The following PDIA5 variants were observed in gnomAD, a reference collection of about 807,000 sequenced individuals.
PDIA5 encodes protein disulfide isomerase family A member 5.
In PDIA5, 58 loss-of-function variants were observed where a neutral mutation model predicts 77.6. The observed-to-expected ratio is 0.75, with a 90% CI of 0.61 to 0.93. The LOEUF is 0.93. Ranked by LOEUF, PDIA5 falls within the 40% of genes least tolerant of loss-of-function variation. The pLI, the probability that PDIA5 is intolerant of heterozygous loss-of-function variation, is 0.00. For synonymous variants in PDIA5, 250 were observed against 252.1 expected, an observed-to-expected ratio of 0.99 and a Z score of 0.08; for missense variants, 630 against 647.7, an observed-to-expected ratio of 0.97 and a Z score of 0.30.
At chr3:123,153,269 G>T (rs535334280) in intron 14 of PDIA5, among the ~76,000 whole-genome samples, 10 of 152,200 alleles carry the variant, frequency 6.6e-5, no homozygotes, top group Non-Finnish European at 1.5e-4. Flanking sequence ...TTTGAGGAAG[G>T]GGGGTGGTTA....
At chr3:123,130,434 A>G (rs1935345046) in intron 10 of PDIA5, 46 bp from the exon 11 acceptor site, 2 of 1,568,590 alleles carry the variant, frequency 1.3e-6, no homozygotes, top group Non-Finnish European at 1.7e-6. Context: ...AGGGCTGCCA[A>G]GGCCCCAGGG....
chr3:123,117,299 C>A (rs1935017420), intron 8 of PDIA5, among the ~76,000 whole-genome samples: 1 of 149,276 alleles, frequency 6.7e-6, no homozygotes, highest in African/African-American at 2.5e-5. Flanking sequence ...TCTGTACCCA[C>A]TAAATATGAA....
At chr3:123,159,003 T>C (rs1936086975) in intron 15 of PDIA5, among the ~76,000 whole-genome samples, 1 of 152,234 alleles carries the variant, frequency 6.6e-6, no homozygotes, top group Admixed American at 6.5e-5. Context: ...TTGCATTCCA[T>C]GTGTGCGGCT....
chr3:123,117,329 T>C (rs864477), intron 8 of PDIA5, among the ~76,000 whole-genome samples: 121,648 of 139,150 alleles, frequency 0.87, 53,760 homozygotes, highest in Non-Finnish European at 0.93. Flanking sequence ...CCCACCCCAC[T>C]CCTGACCTTG....
chr3:123,100,583 G>A (rs899043156), intron 3 of PDIA5, among the ~76,000 whole-genome samples: 2 of 152,192 alleles, frequency 1.3e-5, no homozygotes, highest in African/African-American at 2.4e-5. Context: ...TGGCTGCAGC[G>A]ATGGCTAGAC....
At position 123,124,111 on chromosome 3, in the gene PDIA5, A is replaced by C; in HGVS notation, c.655A>C (p.Lys219Gln). The C allele has an allele frequency of 6.2e-7, 1 of 1,614,016 alleles. No individual in the cohort carries two copies. The highest frequency in any genetic ancestry group is 2.2e-5 in the East Asian group (1 of 44,878). The change falls in exon 9 of 17, where the codon AAG (lysine) becomes CAG (glutamine). Residue 219 changes from lysine to glutamine, a missense_variant. Physicochemically the swap from Lys to Gln is moderately conservative, Grantham distance 53. Coordinates refer to ENST00000316218, the MANE Select transcript of PDIA5 (RefSeq NM_006810.4). ...CTACTCCTCTGAATTTGAAAACATC[A>C]AGGAGGAGTACAGCGTGCGCGGCTT... ...NVYSSEFENI[K>Q]EEYSVRGFPT...
At chr3:123,161,849 TTC>T (rs150845561) in intron 16 of PDIA5, 29 bp from the exon 17 acceptor site, 3,938 of 1,298,898 alleles carry the variant, frequency 3.0e-3, no homozygotes, top group Non-Finnish European at 3.6e-3. Flanking sequence ...TTAAAGCTCT[TTC>T]TCTCTCTCTC....
chr3:123,138,886 G>C (rs1323879944), intron 11 of PDIA5, among the ~76,000 whole-genome samples: 2 of 152,170 alleles, frequency 1.3e-5, no homozygotes. Flanking sequence ...CTGGCTACCA[G>C]GGAGCTTTAC....
At chr3:123,154,911 C>A in intron 14 of PDIA5, 60 bp from the exon 15 acceptor site, 1 of 1,120,926 alleles carries the variant, frequency 8.9e-7, no homozygotes, top group Non-Finnish European at 1.4e-6. Flanking sequence ...GGGTCCCTGG[C>A]CCTGCAGCCT....
At chr3:123,101,906 C>CTTTTTTTTTTTTTTTTTTTTTTTTTT (rs71623603) in intron 3 of PDIA5, among the ~76,000 whole-genome samples, 4 of 71,378 alleles carry the variant, frequency 5.6e-5, no homozygotes, top group African/African-American at 5.4e-5. Context: ...TTCTTTCTTG[C>CTTTTTTTTTTTTTTTTTTTTTTTTTT]TTTTTTTTTT....
intron 1 of PDIA5, among the ~76,000 whole-genome samples, chr3:123,073,856 C>G (rs1321501491): frequency 6.6e-6 from 1 of 152,192 alleles, no homozygotes; most frequent in Non-Finnish European, 1.5e-5. Context: ...GTGAGCAGGT[C>G]CTTTAATCCT....
At chr3:123,101,363 T>C (rs975986819) in intron 3 of PDIA5, among the ~76,000 whole-genome samples, 1 of 152,174 alleles carries the variant, frequency 6.6e-6, no homozygotes, top group Admixed American at 6.5e-5. Context: ...GGACCACACA[T>C]TGAAATCCAT....
intron 16 of PDIA5, 117 bp downstream of exon 16, chr3:123,161,572 C>G: frequency 8.7e-7 from 1 of 1,150,990 alleles, no homozygotes; most frequent in South Asian, 1.5e-5. Context: ...TCAGCTGGAA[C>G]ACTGCACCGA....
At chr3:123,067,323 A>G in intron 1 of PDIA5, 117 bp downstream of exon 1, 2 of 894,906 alleles carry the variant, frequency 2.2e-6, no homozygotes, top group Middle Eastern at 3.8e-4. Flanking sequence ...GGGCACCGGG[A>G]TGAGGGCGTG....
chr3:123,132,533 T>C (rs1025443959), intron 11 of PDIA5, among the ~76,000 whole-genome samples: 3 of 152,218 alleles, frequency 2.0e-5, no homozygotes, highest in Non-Finnish European at 2.9e-5. Flanking sequence ...GGGCCTCTCC[T>C]GATGAAGCGC....
intron 8 of PDIA5, among the ~76,000 whole-genome samples, chr3:123,121,249 G>A (rs1560531908): frequency 6.6e-6 from 1 of 152,168 alleles, no homozygotes; most frequent in Admixed American, 6.5e-5. Flanking sequence ...TCTCCTCTGA[G>A]TGCAAGCTCA....
At chr3:123,123,453 G>A (rs756076554) in intron 8 of PDIA5, among the ~76,000 whole-genome samples, 3 of 152,172 alleles carry the variant, frequency 2.0e-5, no homozygotes, top group East Asian at 1.9e-4. Context: ...GACACAGCAC[G>A]GCCTGGAAGG....
chr3:123,145,078 A>C, intron 11 of PDIA5: 1 of 158,326 alleles, frequency 6.3e-6, no homozygotes, highest in Non-Finnish European at 1.4e-5. Context: ...GCATGGTGCC[A>C]CAACCTACAC....
At chr3:123,138,225 C>G (rs1043010519) in intron 11 of PDIA5, among the ~76,000 whole-genome samples, 24 of 152,228 alleles carry the variant, frequency 1.6e-4, no homozygotes, top group African/African-American at 5.8e-4. Flanking sequence ...GGATTATAAG[C>G]ATGAGCCACT....
Sources: allele counts gnomAD v4.1 joint callset (sites outside exome capture counted in the v4.1 genomes callset), GRCh38; gene constraint gnomAD v4.1.1; transcripts MANE v1.5; gene names NCBI Gene and HGNC (gene_info 2026-07-23, HGNC 2026-07-21).